Variants in GNAQ observed in about 807,000 individuals in gnomAD.
GNAQ encodes the protein guanine nucleotide-binding protein G(q) subunit alpha.
GNAQ carries 8 observed loss-of-function variants against 43.9 expected under a neutral mutation model. The observed-to-expected ratio is 0.18, with a 90% CI of 0.11 to 0.33. The LOEUF (loss-of-function observed/expected upper bound fraction) is 0.33, where lower values mean the gene tolerates loss of function less well. Ranked by LOEUF, GNAQ falls within the 10% of genes least tolerant of loss-of-function variation. The pLI, the probability that GNAQ is intolerant of heterozygous loss-of-function variation, is 1.00. For missense variants in GNAQ, 158 were observed against 450.8 expected (o/e 0.35, Z 5.88); for synonymous variants, 155 against 170.7 (o/e 0.91, Z 0.71).
intron 5 of GNAQ, among the ~76,000 whole-genome samples, chr9:77,741,100 A>G (rs1825647191): frequency 6.6e-6 from 1 of 152,224 alleles, no homozygotes; most frequent in South Asian, 2.1e-4. Context: ...GTAAAAGCCA[A>G]TTTTAGTTGG....
intron 5 of GNAQ, among the ~76,000 whole-genome samples, chr9:77,765,480 AG>A (rs1423248014): frequency 6.6e-6 from 1 of 152,242 alleles, no homozygotes; most frequent in Non-Finnish European, 1.5e-5. Context: ...CATTTCTTCA[AG>A]GAAGTTATAT....
intron 2 of GNAQ, among the ~76,000 whole-genome samples, chr9:77,846,235 CAGG>C (rs954023118): frequency 4.6e-5 from 7 of 152,144 alleles, no homozygotes; most frequent in Non-Finnish European, 8.8e-5. Context: ...CTTGAAAAAT[CAGG>C]AGATGTGTGG....
At chr9:77,941,816 C>T (rs1587422472) in intron 1 of GNAQ, among the ~76,000 whole-genome samples, 1 of 151,788 alleles carries the variant, frequency 6.6e-6, no homozygotes, top group East Asian at 1.9e-4. Flanking sequence ...AAACTGTTGA[C>T]AATATATTGC....
At chr9:77,958,964 A>C (rs899854046) in intron 1 of GNAQ, among the ~76,000 whole-genome samples, 2 of 152,202 alleles carry the variant, frequency 1.3e-5, no homozygotes. Flanking sequence ...ACTTAGTACT[A>C]AGACAATTCA....
At chr9:77,736,174 G>C (rs2118243355) in intron 5 of GNAQ, among the ~76,000 whole-genome samples, 1 of 152,316 alleles carries the variant, frequency 6.6e-6, no homozygotes, top group South Asian at 2.1e-4. Context: ...CCAGGTTTCT[G>C]CCAATTTTCC....
intron 5 of GNAQ, among the ~76,000 whole-genome samples, chr9:77,747,708 C>T (rs1373028376): frequency 6.6e-6 from 1 of 152,114 alleles, no homozygotes; most frequent in Non-Finnish European, 1.5e-5. Flanking sequence ...ATGCACCCAC[C>T]CATAGCACCA....
intron 2 of GNAQ, among the ~76,000 whole-genome samples, chr9:77,898,091 G>C (rs1220052166): frequency 1.3e-5 from 2 of 152,062 alleles, no homozygotes; most frequent in Admixed American, 1.3e-4. Flanking sequence ...CTGTAGAAAC[G>C]ATAGAACCAC....
At chr9:77,894,751 G>T (rs1199395808) in intron 2 of GNAQ, among the ~76,000 whole-genome samples, 1 of 151,786 alleles carries the variant, frequency 6.6e-6, no homozygotes, top group Non-Finnish European at 1.5e-5. Context: ...GGATTTGCTT[G>T]TGATAAAATG....
At chr9:77,951,989 A>G (rs1045366168) in intron 1 of GNAQ, among the ~76,000 whole-genome samples, 5 of 152,174 alleles carry the variant, frequency 3.3e-5, no homozygotes, top group Admixed American at 2.0e-4. Context: ...CCTTACCCTC[A>G]TTCCGTCTAG....
rs1236834134 is a variant in GNAQ, at chr9:77,769,388, C to T, written c.735+25075G>A. On this transcript the variant is annotated intron_variant, in intron 5 of 6. Coordinates refer to ENST00000286548, the MANE Select transcript of GNAQ (RefSeq NM_002072.5). The stretch of plus-strand genomic sequence containing the variant: ...CACTGCACTCCAGCCTGGGTGACAG[C>T]ACAAGACTACCTTAAAAAAAAAAAA... Among the ~76,000 whole-genome samples, 7 of 149,414 alleles carry T rather than the reference C, an allele frequency of 4.7e-5. No individual in the cohort carries two copies. In the South Asian group the frequency reaches 8.5e-4, roughly 18 times the overall value.
At chr9:77,826,476 C>T (rs1306147606) in intron 2 of GNAQ, among the ~76,000 whole-genome samples, 2 of 152,198 alleles carry the variant, frequency 1.3e-5, no homozygotes, top group Non-Finnish European at 1.5e-5. Context: ...TCCCCATTAT[C>T]CCTTTAATTT....
rs578231832 is a variant in GNAQ, at chr9:77,755,333, A to G, written c.736-26666T>C. ...ATAGCACATCAGGGTAATTACAGTT[A>G]AGTTTATTGTACATTTTAAGATAAC... On this transcript the variant is annotated intron_variant, in intron 5 of 6. Coordinates refer to ENST00000286548, the MANE Select transcript of GNAQ (RefSeq NM_002072.5). Among the ~76,000 whole-genome samples the G allele has an allele frequency of 4.6e-5, 7 of 152,276 alleles. No homozygotes were observed. In the South Asian group the frequency reaches 1.5e-3, roughly 32 times the overall value.
intron 5 of GNAQ, among the ~76,000 whole-genome samples, chr9:77,759,771 G>C (rs1362781075): frequency 6.6e-6 from 1 of 152,138 alleles, no homozygotes; most frequent in East Asian, 1.9e-4. Context: ...GTGATTTTGG[G>C]AAGGTCTCTC....
rs1825231779 is a variant in GNAQ, at chr9:77,716,684, C to T, written c.*4639G>A. ...TTCTGTTTTTTCTGTCTACCAAAAG[C>T]TTATATAAAAGTCAGAATTTCTTTA... On this transcript the variant is annotated 3_prime_UTR_variant, in exon 7 of 7. Coordinates refer to ENST00000286548, the MANE Select transcript of GNAQ (RefSeq NM_002072.5). The T allele has an allele frequency of 4.3e-6, 1 of 232,856 alleles. No individual in the cohort carries two copies. Among genetic ancestry groups the T allele is most frequent in the Non-Finnish European group, 8.5e-6 (1 of 117,868 alleles). 14.4% of individuals were successfully genotyped at this position (232,856 alleles called of 1,614,324 possible).
intron 3 of GNAQ, among the ~76,000 whole-genome samples, chr9:77,798,973 T>G (rs557966848): frequency 1.3e-5 from 2 of 152,346 alleles, no homozygotes; most frequent in Admixed American, 6.5e-5. Flanking sequence ...ACCTGTGTTA[T>G]CCCTGGCAGT....
chr9:77,877,112 T>C (rs183118175), intron 2 of GNAQ, among the ~76,000 whole-genome samples: 5 of 152,278 alleles, frequency 3.3e-5, no homozygotes, highest in Admixed American at 1.3e-4. Flanking sequence ...CCAAGAATGA[T>C]TAGAAAGTCC....
In GNAQ at chr9:77,801,169, G is replaced by A. The variant is rs76207931; in HGVS notation, c.477-3521C>T. Among the ~76,000 whole-genome samples the A allele has an allele frequency of 2.6e-3, 393 of 152,302 alleles. 1 individual carries two copies. The highest frequency in any genetic ancestry group is 4.7e-3 in the Non-Finnish European group (322 of 68,022). On this transcript the variant is annotated intron_variant, in intron 3 of 6. Coordinates refer to ENST00000286548, the MANE Select transcript of GNAQ (RefSeq NM_002072.5). ...AGGAGAATTTAAAGAACCAGCACAT[G>A]AAGTGGGAAATTACCTGTCACATTG...
chr9:77,886,301 A>G lies in GNAQ; in HGVS notation c.321+35860T>C, dbSNP rs1035918632. On this transcript the variant is annotated intron_variant, in intron 2 of 6. Transcript: ENST00000286548. The stretch of plus-strand genomic sequence containing the variant: ...GCCATTTTTTAATTTGTAAAATTAA[A>G]CAAATCTGGAGAAATCTGTCAGAAA... Among the ~76,000 whole-genome samples, 4 of 150,990 alleles carry G rather than the reference A, an allele frequency of 2.6e-5. No homozygotes were observed. In the Admixed American group the frequency reaches 2.7e-4, roughly 10 times the overall value.
intron 5 of GNAQ, among the ~76,000 whole-genome samples, chr9:77,760,969 G>A (rs1825997332): frequency 1.3e-5 from 2 of 150,898 alleles, no homozygotes; most frequent in Admixed American, 6.6e-5. Flanking sequence ...CCCTCCGCCT[G>A]GCAACCGCCC....
Sources: allele counts gnomAD v4.1 joint callset (sites outside exome capture counted in the v4.1 genomes callset), GRCh38; gene constraint gnomAD v4.1.1; transcripts MANE v1.5; gene names NCBI Gene and HGNC (gene_info 2026-07-23, HGNC 2026-07-21).